The following PRKG1 variants were observed in gnomAD, a reference collection of about 807,000 sequenced individuals.
The protein encoded by PRKG1 is cGMP-dependent protein kinase 1.
Under a neutral mutation model 88.1 loss-of-function variants are expected in PRKG1, and 35 were observed. The observed-to-expected ratio is 0.40, with a 90% confidence interval of 0.30 to 0.53. The LOEUF (loss-of-function observed/expected upper bound fraction) is 0.53, where lower values mean the gene tolerates loss of function less well. Among genes scored for constraint, PRKG1 ranks in the 20% least tolerant of loss-of-function variants. The probability of loss-of-function intolerance (pLI) is 0.59; values close to 1 mark genes in which losing one functional copy is unlikely to be tolerated. For missense variants in PRKG1, 540 were observed against 839.8 expected (o/e 0.64, Z 4.41); for synonymous variants, 303 against 292.5 (o/e 1.04, Z -0.37).
Position 52,216,755 on chromosome 10 carries a change from T to C in PRKG1, c.1077-34815T>C, listed in dbSNP as rs536393821. On this transcript the variant is annotated intron_variant, in intron 9 of 17. Transcript: ENST00000373980. Reference sequence around the variant, plus strand: ...GCGGTTTTTTAAGATCAGTTTGTTATCTTTTTCTGAGAATTAAATGGATCA... The same window carrying C: ...GCGGTTTTTTAAGATCAGTTTGTTACCTTTTTCTGAGAATTAAATGGATCA... Among the ~76,000 whole-genome samples, 5 of 152,238 alleles carry C rather than the reference T, an allele frequency of 3.3e-5. No homozygotes were observed. In the South Asian group the frequency reaches 6.2e-4, roughly 19 times the overall value.
intron 3 of PRKG1, among the ~76,000 whole-genome samples, chr10:51,560,268 T>C (rs1353123363): frequency 1.3e-5 from 2 of 152,140 alleles, no homozygotes; most frequent in Non-Finnish European, 2.9e-5. Flanking sequence ...GATGATGGGA[T>C]GTATGAGATT....
intron 4 of PRKG1, among the ~76,000 whole-genome samples, chr10:51,834,553 A>G (rs1235457038): frequency 6.6e-6 from 1 of 151,768 alleles, no homozygotes; most frequent in Non-Finnish European, 1.5e-5. Context: ...AGGTGGGAGG[A>G]TTGTTTGAGC....
intron 5 of PRKG1, among the ~76,000 whole-genome samples, chr10:52,012,701 G>A (rs575117731): frequency 5.9e-5 from 9 of 152,120 alleles, no homozygotes; most frequent in Non-Finnish European, 7.4e-5. Context: ...ATGCAATATT[G>A]AGCACCAGCT....
At chr10:52,260,266 G>T (rs976743469) in intron 10 of PRKG1, among the ~76,000 whole-genome samples, 12 of 152,088 alleles carry the variant, frequency 7.9e-5, no homozygotes, top group African/African-American at 2.7e-4. Context: ...AAAGTTTGAG[G>T]ATAGCATGTA....
chr10:51,593,853 T>C (rs1397489877), intron 3 of PRKG1, among the ~76,000 whole-genome samples: 1 of 151,962 alleles, frequency 6.6e-6, no homozygotes, highest in Non-Finnish European at 1.5e-5. Flanking sequence ...TCCTCCAGAG[T>C]AGCTGGGATT....
chr10:51,706,540 A>G, intron 3 of PRKG1, among the ~76,000 whole-genome samples: 1 of 152,158 alleles, frequency 6.6e-6, no homozygotes, highest in South Asian at 2.1e-4. Flanking sequence ...ATAGATAAAG[A>G]AAAGAAAATG....
chr10:51,871,032 A>G (rs761025899), intron 4 of PRKG1, among the ~76,000 whole-genome samples: 13 of 152,266 alleles, frequency 8.5e-5, no homozygotes, highest in Non-Finnish European at 1.9e-4. Context: ...CTCTGAAGGT[A>G]ATTGTTTACT....
At chr10:51,277,445 G>C (rs1840155224) in intron 2 of PRKG1, among the ~76,000 whole-genome samples, 1 of 151,966 alleles carries the variant, frequency 6.6e-6, no homozygotes, top group Non-Finnish European at 1.5e-5. Context: ...GGCAATGTGG[G>C]CTCTTTTTTG....
At chr10:52,259,824 T>G (rs1841391200) in intron 10 of PRKG1, among the ~76,000 whole-genome samples, 1 of 152,104 alleles carries the variant, frequency 6.6e-6, no homozygotes, top group African/African-American at 2.4e-5. Context: ...TTAATGTGAC[T>G]GTTTTCCCTG....
chr10:51,718,158 A>T (rs1841930471), intron 3 of PRKG1, among the ~76,000 whole-genome samples: 1 of 152,258 alleles, frequency 6.6e-6, no homozygotes. Context: ...TAGTAAAATA[A>T]CAATAATGGC....
intron 2 of PRKG1, among the ~76,000 whole-genome samples, chr10:51,352,257 GA>G (rs1174100694): frequency 7.3e-6 from 1 of 136,942 alleles, no homozygotes; most frequent in Non-Finnish European, 1.7e-5. Context: ...GGAATTTAAA[GA>G]ATTTTTTTTT....
chr10:51,822,576 T>G (rs2132730976), intron 4 of PRKG1, among the ~76,000 whole-genome samples: 1 of 152,294 alleles, frequency 6.6e-6, no homozygotes, highest in East Asian at 1.9e-4. Flanking sequence ...CATACACACG[T>G]ACCATGGGTC....
At chr10:51,822,361 TA>T (rs574949307) in intron 4 of PRKG1, among the ~76,000 whole-genome samples, 5 of 151,844 alleles carry the variant, frequency 3.3e-5, no homozygotes, top group Admixed American at 3.3e-4. Context: ...GTGTAGAAAC[TA>T]AAAAAAGTAG....
At chr10:52,119,671 C>A (rs1335574943) in intron 7 of PRKG1, among the ~76,000 whole-genome samples, 1 of 152,304 alleles carries the variant, frequency 6.6e-6, no homozygotes, top group East Asian at 1.9e-4. Flanking sequence ...ACTTTACTCT[C>A]TAAAGTACTC....
chr10:52,073,785 C>T (rs777515223), intron 7 of PRKG1, among the ~76,000 whole-genome samples: 1 of 152,124 alleles, frequency 6.6e-6, no homozygotes, highest in Non-Finnish European at 1.5e-5. Flanking sequence ...TGTCAAGGAA[C>T]TCATTACAGG....
intron 1 of PRKG1, among the ~76,000 whole-genome samples, chr10:51,064,693 T>C (rs950598678): frequency 1.3e-5 from 2 of 152,074 alleles, no homozygotes; most frequent in Admixed American, 6.6e-5. Context: ...AACATCTACC[T>C]GAGAAATTTT....
At chr10:51,867,038 C>T (rs1841032191) in intron 4 of PRKG1, among the ~76,000 whole-genome samples, 1 of 152,104 alleles carries the variant, frequency 6.6e-6, no homozygotes, top group Admixed American at 6.6e-5. Flanking sequence ...ATAGGATGAG[C>T]TCAGAGGAGA....
intron 3 of PRKG1, among the ~76,000 whole-genome samples, chr10:51,542,019 C>T (rs900293941): frequency 2.1e-4 from 32 of 151,582 alleles, no homozygotes; most frequent in Admixed American, 2.0e-4. Flanking sequence ...GGCTCTTGAC[C>T]CCAGTCCCCA....
intron 2 of PRKG1, among the ~76,000 whole-genome samples, chr10:51,258,229 T>C (rs1589286532): frequency 2.0e-5 from 3 of 152,170 alleles, no homozygotes; most frequent in Admixed American, 6.5e-5. Context: ...CCCTGCAGGG[T>C]AGGTTCTTTT....
Sources: allele counts gnomAD v4.1 joint callset (sites outside exome capture counted in the v4.1 genomes callset), GRCh38; gene constraint gnomAD v4.1.1; transcripts MANE v1.5; gene names NCBI Gene and HGNC (gene_info 2026-07-23, HGNC 2026-07-21).